The following NKAIN2 variants were observed in gnomAD, a reference collection of about 807,000 sequenced individuals.
The protein encoded by NKAIN2 is sodium/potassium-transporting ATPase subunit beta-1-interacting protein 2.
In NKAIN2, 14 loss-of-function variants were observed where a neutral mutation model predicts 32.6. The observed-to-expected ratio is 0.43, with a 90% CI of 0.28 to 0.67. The LOEUF (loss-of-function observed/expected upper bound fraction) is 0.67, where lower values mean the gene tolerates loss of function less well. Ranked by LOEUF, NKAIN2 falls within the 30% of genes least tolerant of loss-of-function variation. NKAIN2 has a pLI of 0.17. For missense variants in NKAIN2, 198 were observed against 258.3 expected (o/e 0.77, Z 1.60); for synonymous variants, 80 against 87.2 (o/e 0.92, Z 0.46).
chr6:124,262,353 A>T (rs1422119281), intron 1 of NKAIN2, among the ~76,000 whole-genome samples: 2 of 152,176 alleles, frequency 1.3e-5, no homozygotes, highest in African/African-American at 2.4e-5. Context: ...TGACTAAACA[A>T]GTTTAATCTG....
intron 1 of NKAIN2, among the ~76,000 whole-genome samples, chr6:124,117,283 A>G (rs914120702): frequency 2.0e-5 from 3 of 152,162 alleles, no homozygotes; most frequent in African/African-American, 7.2e-5. Context: ...GTGGTACCCA[A>G]TTACCTATAT....
chr6:124,184,798 C>T (rs1460445237), intron 1 of NKAIN2, among the ~76,000 whole-genome samples: 3 of 151,998 alleles, frequency 2.0e-5, no homozygotes, highest in Non-Finnish European at 2.9e-5. Context: ...AAATCTAAAC[C>T]AAATCCTTGT....
At chr6:124,744,697 CTCAT>C (rs1777374962) in intron 4 of NKAIN2, among the ~76,000 whole-genome samples, 1 of 151,662 alleles carries the variant, frequency 6.6e-6, no homozygotes, top group Admixed American at 6.6e-5. Flanking sequence ...GTACATGGGC[CTCAT>C]TCATTGTTTA....
At chr6:124,410,438 A>G (rs1774105622) in intron 3 of NKAIN2, among the ~76,000 whole-genome samples, 1 of 151,986 alleles carries the variant, frequency 6.6e-6, no homozygotes, top group Non-Finnish European at 1.5e-5. Context: ...TTCTGCCTTC[A>G]TTTCGTTATG....
intron 1 of NKAIN2, among the ~76,000 whole-genome samples, chr6:123,866,221 T>TC (rs1415720677): frequency 1.3e-5 from 2 of 152,292 alleles, no homozygotes; most frequent in Non-Finnish European, 2.9e-5. Flanking sequence ...TTACTCTTTT[T>TC]CCCTCTCCTT....
rs1443863057 is a variant in NKAIN2 at position 124,720,607 on chromosome 6, A to G, written c.474+62221A>G. On this transcript the variant is annotated intron_variant, in intron 4 of 6. Transcript: ENST00000368417. ...TACTTAAAATGACATTTATTTCTCT[A>G]TGTTCTAATGGTGCTGAAGCATAGA... Among the ~76,000 whole-genome samples, 3 of 152,264 alleles carry G rather than the reference A, an allele frequency of 2.0e-5. No homozygotes were observed. The East Asian group carries it at 5.8e-4, about 29-fold the overall frequency.
intron 1 of NKAIN2, among the ~76,000 whole-genome samples, chr6:123,916,828 T>TC (rs1225970265): frequency 1.9e-4 from 24 of 123,388 alleles, no homozygotes; most frequent in African/African-American, 3.3e-4. Context: ...TATCTATCTA[T>TC]TTATCTATCT....
chr6:123,990,571 G>T (rs1779370753), intron 1 of NKAIN2, among the ~76,000 whole-genome samples: 1 of 152,090 alleles, frequency 6.6e-6, no homozygotes, highest in East Asian at 1.9e-4. Flanking sequence ...TGGTTTAGGG[G>T]CTAAGGACCC....
intron 2 of NKAIN2, among the ~76,000 whole-genome samples, chr6:124,328,919 C>T (rs898016550): frequency 2.0e-5 from 3 of 152,154 alleles, no homozygotes; most frequent in African/African-American, 4.8e-5. Flanking sequence ...ATTTACACTC[C>T]GTGGACCCAC....
At chr6:124,448,910 T>A (rs1322992605) in intron 3 of NKAIN2, among the ~76,000 whole-genome samples, 1 of 152,170 alleles carries the variant, frequency 6.6e-6, no homozygotes, top group East Asian at 1.9e-4. Context: ...AGCTTATGCC[T>A]AAACTCATGC....
At chr6:124,073,967 G>A (rs1173201540) in intron 1 of NKAIN2, among the ~76,000 whole-genome samples, 1 of 152,100 alleles carries the variant, frequency 6.6e-6, no homozygotes, top group Non-Finnish European at 1.5e-5. Flanking sequence ...TTGAGGATAT[G>A]GCTAGGCAGA....
intron 1 of NKAIN2, among the ~76,000 whole-genome samples, chr6:124,258,902 C>A (rs1189828396): frequency 6.6e-6 from 1 of 152,154 alleles, no homozygotes; most frequent in Non-Finnish European, 1.5e-5. Context: ...AGTTCCAAGG[C>A]ATTTTGAGAG....
intron 1 of NKAIN2, among the ~76,000 whole-genome samples, chr6:123,854,597 T>C (rs560590983): frequency 1.3e-5 from 2 of 152,304 alleles, no homozygotes; most frequent in African/African-American, 4.8e-5. Context: ...TCACATACGT[T>C]ATTACATTTT....
At chr6:124,708,268 G>C (rs2114592873) in intron 4 of NKAIN2, among the ~76,000 whole-genome samples, 1 of 150,712 alleles carries the variant, frequency 6.6e-6, no homozygotes, top group African/African-American at 2.4e-5. Flanking sequence ...TTTGAAGTCA[G>C]GTAGTGTGAT....
At chr6:124,558,251 T>A (rs1438147255) in intron 3 of NKAIN2, among the ~76,000 whole-genome samples, 1 of 152,216 alleles carries the variant, frequency 6.6e-6, no homozygotes, top group East Asian at 1.9e-4. Flanking sequence ...GCATCCATGG[T>A]TTCTGTGAAG....
chr6:124,717,117 C>A (rs560773752), intron 4 of NKAIN2, among the ~76,000 whole-genome samples: 1 of 152,304 alleles, frequency 6.6e-6, no homozygotes, highest in African/African-American at 2.4e-5. Context: ...TTGAGCCCCA[C>A]CTTGACACTT....
intron 3 of NKAIN2, among the ~76,000 whole-genome samples, chr6:124,577,514 A>T (rs1452801635): frequency 6.6e-6 from 1 of 152,158 alleles, no homozygotes; most frequent in Non-Finnish European, 1.5e-5. Flanking sequence ...CATTTAGACC[A>T]GCCCTCACCA....
intron 4 of NKAIN2, among the ~76,000 whole-genome samples, chr6:124,683,815 G>T (rs563508242): frequency 5.0e-4 from 76 of 152,180 alleles, no homozygotes; most frequent in Non-Finnish European, 9.4e-4. Flanking sequence ...TATGCAGAGA[G>T]ATTTGGGACT....
intron 1 of NKAIN2, among the ~76,000 whole-genome samples, chr6:124,183,343 A>G (rs1003363847): frequency 3.9e-5 from 6 of 152,132 alleles, no homozygotes; most frequent in African/African-American, 1.4e-4. Context: ...TTACACTTCT[A>G]TTACTAATAA....
Sources: allele counts gnomAD v4.1 joint callset (sites outside exome capture counted in the v4.1 genomes callset), GRCh38; gene constraint gnomAD v4.1.1; transcripts MANE v1.5; gene names NCBI Gene and HGNC (gene_info 2026-07-23, HGNC 2026-07-21).